Variants in CDH12 observed in about 807,000 individuals in gnomAD.
The protein encoded by CDH12 is cadherin-12.
In CDH12, 41 loss-of-function variants were observed where a neutral mutation model predicts 74.1. The ratio of observed to expected loss-of-function variants is 0.55; its 90% CI spans 0.43 to 0.72. CDH12 has a LOEUF of 0.72. Ranked by LOEUF, CDH12 falls within the 30% of genes least tolerant of loss-of-function variation. The probability of loss-of-function intolerance (pLI) is 0.00; values close to 1 mark genes in which losing one functional copy is unlikely to be tolerated. For synonymous variants in CDH12, 399 were observed against 355.0 expected, an observed-to-expected ratio of 1.12 and a Z score of -1.39; for missense variants, 945 against 977.2, an observed-to-expected ratio of 0.97 and a Z score of 0.44.
chr5:21,770,451 C>CCAT (rs1029511598), intron 11 of CDH12, among the ~76,000 whole-genome samples: 1 of 151,878 alleles, frequency 6.6e-6, no homozygotes, highest in African/African-American at 2.4e-5. Context: ...TGGTGAAACC[C>CCAT]CATCTCTACT....
chr5:22,152,897 C>T (rs140840504), intron 4 of CDH12, among the ~76,000 whole-genome samples: 43 of 152,260 alleles, frequency 2.8e-4, no homozygotes, highest in African/African-American at 7.7e-4. Context: ...TTTCACTTAA[C>T]GTAACGTCCT....
At chr5:22,479,444 G>A (rs549139703) in intron 2 of CDH12, among the ~76,000 whole-genome samples, 31 of 152,286 alleles carry the variant, frequency 2.0e-4, no homozygotes, top group African/African-American at 7.0e-4. Context: ...GACAAGTTTT[G>A]GAGCCTCGAT....
intron 2 of CDH12, among the ~76,000 whole-genome samples, chr5:22,502,297 C>T (rs1736204691): frequency 6.6e-6 from 1 of 152,038 alleles, no homozygotes; most frequent in Non-Finnish European, 1.5e-5. Context: ...CCTGAATATA[C>T]TCTCTTGCCT....
chr5:22,364,739 C>T (rs1740959664), intron 3 of CDH12, among the ~76,000 whole-genome samples: 1 of 152,160 alleles, frequency 6.6e-6, no homozygotes, highest in Non-Finnish European at 1.5e-5. Flanking sequence ...CCAATGTTAC[C>T]TTAGCATCAG....
chr5:22,822,805 C>T (rs1189211495), intron 1 of CDH12, among the ~76,000 whole-genome samples: 1 of 152,138 alleles, frequency 6.6e-6, no homozygotes, highest in Non-Finnish European at 1.5e-5. Flanking sequence ...GTAGTTCAAC[C>T]ATTGTGGAAG....
chr5:21,889,759 T>C (rs1752812140), intron 6 of CDH12: 3 of 984,746 alleles, frequency 3.0e-6, no homozygotes, highest in South Asian at 4.7e-5. Flanking sequence ...TTCTTTCTGC[T>C]GTAGGAAGTA....
At chr5:22,123,199 G>A (rs373311641) in intron 4 of CDH12, among the ~76,000 whole-genome samples, 16 of 152,036 alleles carry the variant, frequency 1.1e-4, no homozygotes, top group African/African-American at 3.9e-4. Context: ...AGAGAACTTG[G>A]AGATCTCCCT....
chr5:22,351,595 G>T (rs867200002), intron 3 of CDH12, among the ~76,000 whole-genome samples: 24 of 152,226 alleles, frequency 1.6e-4, no homozygotes, highest in Non-Finnish European at 2.2e-4. Context: ...TTTCTAAAAT[G>T]CAGCTCTTCA....
intron 1 of CDH12, among the ~76,000 whole-genome samples, chr5:22,558,347 G>A (rs72746611): frequency 6.6e-6 from 1 of 152,190 alleles, no homozygotes; most frequent in Non-Finnish European, 1.5e-5. Context: ...CTGCCAAAAG[G>A]AAGAAGAGGT....
At chr5:22,422,661 G>A (rs1743705742) in intron 2 of CDH12, among the ~76,000 whole-genome samples, 1 of 151,970 alleles carries the variant, frequency 6.6e-6, no homozygotes, top group Admixed American at 6.6e-5. Flanking sequence ...TGTGATGGTG[G>A]GAAAAATTTG....
rs2126782171 is a variant in CDH12 at position 22,580,482 on chromosome 5, T to C, written c.-522-75118A>G. 3 of 498,022 alleles carry C rather than the reference T, an allele frequency of 6.0e-6. No individual in the cohort carries two copies. The East Asian group carries it at 1.7e-4, about 28-fold the overall frequency. 30.9% of individuals were successfully genotyped at this position (498,022 alleles called of 1,614,324 possible). On this transcript the variant is annotated intron_variant, in intron 1 of 14. Transcript: ENST00000382254. ...GACTGCATGCGTGTCAGACAAGTCA[T>C]ACTTATGGCTTGTAGAGAGTGAGCC...
chr5:22,463,856 T>C (rs1192410070), intron 2 of CDH12, among the ~76,000 whole-genome samples: 1 of 152,196 alleles, frequency 6.6e-6, no homozygotes, highest in Non-Finnish European at 1.5e-5. Context: ...TGCTTACCCT[T>C]TAGAAAAATA....
chr5:22,067,342 G>C (rs538288810), intron 5 of CDH12, among the ~76,000 whole-genome samples: 1 of 152,140 alleles, frequency 6.6e-6, no homozygotes, highest in Non-Finnish European at 1.5e-5. Flanking sequence ...AGATATCCCC[G>C]AAAAGGTGAA....
intron 3 of CDH12, among the ~76,000 whole-genome samples, chr5:22,270,231 A>T (rs551416910): frequency 3.0e-4 from 45 of 152,306 alleles, no homozygotes; most frequent in African/African-American, 1.1e-3. Flanking sequence ...TTGTATTCAC[A>T]TCTATTGCTA....
At chr5:22,627,669 C>T (rs1193805986) in intron 1 of CDH12, among the ~76,000 whole-genome samples, 1 of 152,112 alleles carries the variant, frequency 6.6e-6, no homozygotes, top group Non-Finnish European at 1.5e-5. Context: ...AATAAAGCAA[C>T]TACACCATTA....
chr5:21,904,197 G>A (rs1376919710), intron 6 of CDH12, among the ~76,000 whole-genome samples: 3 of 152,016 alleles, frequency 2.0e-5, no homozygotes, highest in African/African-American at 4.8e-5. Context: ...GTGGTGTTTG[G>A]GTTCTTTTTC....
At chr5:21,895,217 A>C (rs1017037413) in intron 6 of CDH12, among the ~76,000 whole-genome samples, 7 of 152,124 alleles carry the variant, frequency 4.6e-5, no homozygotes, top group African/African-American at 1.7e-4. Context: ...AGAGAAATGG[A>C]ATGTATCTCC....
chr5:22,420,690 A>G (rs1250255761), intron 2 of CDH12, among the ~76,000 whole-genome samples: 2 of 151,968 alleles, frequency 1.3e-5, no homozygotes, highest in African/African-American at 4.8e-5. Flanking sequence ...ATACTTTTAA[A>G]CTATTAATTT....
chr5:22,431,790 G>A (rs1436169231), intron 2 of CDH12, among the ~76,000 whole-genome samples: 1 of 152,144 alleles, frequency 6.6e-6, no homozygotes, highest in Non-Finnish European at 1.5e-5. Flanking sequence ...AACAGAAAAA[G>A]CTTATAGAAT....
Sources: allele counts gnomAD v4.1 joint callset (sites outside exome capture counted in the v4.1 genomes callset), GRCh38; gene constraint gnomAD v4.1.1; transcripts MANE v1.5; gene names NCBI Gene and HGNC (gene_info 2026-07-23, HGNC 2026-07-21).